NOX4: variants seen among roughly 807,000 people sequenced by gnomAD.
The protein encoded by NOX4 is kidney oxidase-1.
In NOX4, 69 loss-of-function variants were observed where a neutral mutation model predicts 87.6. That is an observed-to-expected ratio of 0.79 (90% confidence interval 0.65 to 0.96). The LOEUF is 0.96. NOX4 is among the 40% of genes least tolerant of loss of function. The pLI, the probability that NOX4 is intolerant of heterozygous loss-of-function variation, is 0.00. For missense variants in NOX4, 680 were observed against 681.5 expected (o/e 1.00, Z 0.02); for synonymous variants, 275 against 238.2 (o/e 1.15, Z -1.42).
At chr11:89,439,387 A>G (rs1025630837) in intron 6 of NOX4, among the ~76,000 whole-genome samples, 19 of 152,122 alleles carry the variant, frequency 1.2e-4, no homozygotes, top group African/African-American at 4.3e-4. Context: ...TAAAGAGAAA[A>G]CTGTGAAATA....
At chr11:89,443,225 T>C (rs1944532900) in intron 5 of NOX4, among the ~76,000 whole-genome samples, 2 of 152,170 alleles carry the variant, frequency 1.3e-5, no homozygotes. Context: ...GATTTGTTTC[T>C]GAATTTGTTG....
chr11:89,487,944 A>T (rs566111171), intron 2 of NOX4, among the ~76,000 whole-genome samples: 1 of 152,300 alleles, frequency 6.6e-6, no homozygotes, highest in African/African-American at 2.4e-5. Flanking sequence ...AAAACTGTAG[A>T]AGGAGTTTCT....
At chr11:89,359,291 G>A (rs1240429805) in intron 12 of NOX4, among the ~76,000 whole-genome samples, 3 of 151,300 alleles carry the variant, frequency 2.0e-5, no homozygotes, top group Non-Finnish European at 4.4e-5. Flanking sequence ...TTTCTCCTTT[G>A]CAGAAAATGA....
the NOX4 span, among the ~76,000 whole-genome samples, chr11:89,543,766 T>C: frequency 6.6e-6 from 1 of 152,108 alleles, no homozygotes; most frequent in Non-Finnish European, 1.5e-5. Context: ...AACTCCTCAA[T>C]TGTCATTGTG....
chr11:89,451,294 C>A (rs1016823071), intron 3 of NOX4, among the ~76,000 whole-genome samples: 1 of 152,138 alleles, frequency 6.6e-6, no homozygotes, highest in Admixed American at 6.6e-5. Context: ...GTTGCCAACA[C>A]CAGCAATCAT....
chr11:89,454,547 G>A (rs1945105137), intron 2 of NOX4, among the ~76,000 whole-genome samples: 1 of 152,078 alleles, frequency 6.6e-6, no homozygotes. Context: ...CTGTTTACAA[G>A]TTATGAAACA....
At chr11:89,435,743 G>T (rs1278817627) in intron 6 of NOX4, among the ~76,000 whole-genome samples, 2 of 152,024 alleles carry the variant, frequency 1.3e-5, no homozygotes, top group Non-Finnish European at 2.9e-5. Context: ...TATGGTCTGG[G>T]ATTATACTCT....
the NOX4 span, among the ~76,000 whole-genome samples, chr11:89,546,945 A>T: frequency 6.6e-6 from 1 of 152,176 alleles, no homozygotes; most frequent in Admixed American, 6.6e-5. Flanking sequence ...CGTTCAAACC[A>T]TAGCAGTTTC....
the NOX4 span, among the ~76,000 whole-genome samples, chr11:89,552,931 A>C: frequency 6.6e-6 from 1 of 152,152 alleles, no homozygotes; most frequent in Admixed American, 6.5e-5. Flanking sequence ...ATTATGCCCC[A>C]AAATTATCAT....
intron 5 of NOX4, among the ~76,000 whole-genome samples, chr11:89,442,849 C>T (rs373751363): frequency 5.3e-5 from 8 of 151,712 alleles, no homozygotes; most frequent in African/African-American, 1.7e-4. Context: ...TTATTAAAGA[C>T]ATGAATTCTG....
chr11:89,567,144 C>T, the NOX4 span, among the ~76,000 whole-genome samples: 62 of 152,286 alleles, frequency 4.1e-4, no homozygotes, highest in East Asian at 9.3e-3. Context: ...CTGAACACAC[C>T]CCTGTTTGCT....
chr11:89,578,272 C>T, the NOX4 span, among the ~76,000 whole-genome samples: 1 of 152,000 alleles, frequency 6.6e-6, no homozygotes, highest in African/African-American at 2.4e-5. Flanking sequence ...AGCAATTCAC[C>T]TGCCTCAGCT....
intron 17 of NOX4, among the ~76,000 whole-genome samples, chr11:89,332,870 C>T (rs181846040): frequency 2.5e-3 from 374 of 151,944 alleles, no homozygotes; most frequent in Non-Finnish European, 4.0e-3. Flanking sequence ...AGCTCCTTCA[C>T]TTTCCATGAT....
intron 12 of NOX4, among the ~76,000 whole-genome samples, chr11:89,361,481 A>AT (rs1938519245): frequency 6.6e-6 from 1 of 152,084 alleles, no homozygotes; most frequent in South Asian, 2.1e-4. Context: ...CGGGTGAGGG[A>AT]TAAAAAACTA....
intron 2 of NOX4, among the ~76,000 whole-genome samples, chr11:89,471,803 G>A (rs1036492839): frequency 1.3e-5 from 2 of 152,140 alleles, no homozygotes; most frequent in African/African-American, 4.8e-5. Context: ...GTGCAATGGT[G>A]CAATCTCAGC....
chr11:89,512,376 T>C, the NOX4 span, among the ~76,000 whole-genome samples: 3 of 152,136 alleles, frequency 2.0e-5, no homozygotes, highest in African/African-American at 7.2e-5. Flanking sequence ...CTCTGGAATA[T>C]GCTTATATTG....
intron 14 of NOX4, among the ~76,000 whole-genome samples, chr11:89,341,408 C>A (rs1413273147): frequency 6.6e-6 from 1 of 152,090 alleles, no homozygotes; most frequent in Non-Finnish European, 1.5e-5. Context: ...CAGGTGTGAG[C>A]CAATGTGCCC....
intron 11 of NOX4, among the ~76,000 whole-genome samples, chr11:89,383,339 C>A (rs1484651696): frequency 1.3e-5 from 2 of 152,174 alleles, no homozygotes; most frequent in African/African-American, 2.4e-5. Flanking sequence ...TATGCGGGAC[C>A]CCGTTGGAAA....
At chr11:89,483,570 TAG>T (rs1438554410) in intron 2 of NOX4, among the ~76,000 whole-genome samples, 1 of 140,502 alleles carries the variant, frequency 7.1e-6, no homozygotes, top group African/African-American at 2.7e-5. Context: ...TTTACAGAAG[TAG>T]AGAGTAGAAT....
Sources: allele counts gnomAD v4.1 joint callset (sites outside exome capture counted in the v4.1 genomes callset), GRCh38; gene constraint gnomAD v4.1.1; transcripts MANE v1.5; gene names NCBI Gene and HGNC (gene_info 2026-07-23, HGNC 2026-07-21).